The following METTL6 variants were observed in gnomAD, a reference collection of about 807,000 sequenced individuals.
METTL6 encodes methyltransferase 6, tRNA N3-cytidine.
In METTL6, 22 loss-of-function variants were observed where a neutral mutation model predicts 26.4. The ratio of observed to expected loss-of-function variants is 0.83; its 90% confidence interval spans 0.59 to 1.19. The LOEUF is 1.19. METTL6 is among the 50% of genes most tolerant of loss of function. METTL6 has a pLI of 0.00. For synonymous variants in METTL6, 109 were observed against 116.2 expected (o/e 0.94, Z 0.40); for missense variants, 304 against 324.8 (o/e 0.94, Z 0.49).
intron 6 of METTL6, among the ~76,000 whole-genome samples, chr3:15,388,187 T>C (rs1052094069): frequency 5.3e-5 from 8 of 152,162 alleles, no homozygotes; most frequent in Admixed American, 5.2e-4. Context: ...CTCCACTCAC[T>C]GCAACCTCCG....
intron 4 of METTL6, 121 bp downstream of exon 4, chr3:15,415,651 A>T (rs1348774413): frequency 6.2e-7 from 1 of 1,603,510 alleles, no homozygotes; most frequent in Non-Finnish European, 8.5e-7. Flanking sequence ...CTCACTACAC[A>T]GCCTACCTAG....
intron 6 of METTL6, among the ~76,000 whole-genome samples, chr3:15,385,039 C>A (rs1699156242): frequency 2.0e-5 from 3 of 152,176 alleles, no homozygotes. Context: ...GAGACACAAT[C>A]TTCAGAGAAT....
At chr3:15,409,016 G>A (rs2124954418), downstream of METTL6, among the ~76,000 whole-genome samples, 1 of 152,144 alleles carries the variant, frequency 6.6e-6, no homozygotes, top group South Asian at 2.1e-4. Flanking sequence ...GGACAGGGCT[G>A]GATTCTCACT....
exon 7 of METTL6, chr3:15,381,546 C>T (rs1277283007): frequency 6.6e-6 from 1 of 152,198 alleles, no homozygotes; most frequent in Non-Finnish European, 1.5e-5. Context: ...TGCATACATC[C>T]TCCTTATCTC....
At chr3:15,409,657 G>C (rs1699893618), downstream of METTL6, among the ~76,000 whole-genome samples, 1 of 152,104 alleles carries the variant, frequency 6.6e-6, no homozygotes, top group Non-Finnish European at 1.5e-5. Flanking sequence ...GCAGAGGGGA[G>C]GACAGGTGAT....
intron 6 of METTL6, among the ~76,000 whole-genome samples, chr3:15,387,073 C>T (rs112451147): frequency 1.3e-5 from 2 of 152,316 alleles, no homozygotes; most frequent in African/African-American, 4.8e-5. Context: ...GCTGGGATTA[C>T]AAGCATGAGC....
At chr3:15,411,508 G>C in intron 5 of METTL6, 71 bp from the exon 6 acceptor site, 1 of 1,422,744 alleles carries the variant, frequency 7.0e-7, no homozygotes, top group Non-Finnish European at 9.6e-7. Context: ...CCTTGAGGAG[G>C]GATAGAGGGC....
In METTL6 at chr3:15,409,826, C is replaced by T. The variant is rs888909908; in HGVS notation, c.*1430G>A. Among the ~76,000 whole-genome samples the T allele has an allele frequency of 7.9e-5, 12 of 152,112 alleles. No homozygotes were observed. The highest frequency in any genetic ancestry group is 1.3e-4 in the Non-Finnish European group (9 of 68,008). ...ACACTGGTTTTGAAGAAATACATAA[C>T]TGAACTAAAGGGGAGACCAATGGGC... On this transcript the variant is annotated 3_prime_UTR_variant, in exon 6 of 6. Transcript: ENST00000383790.
chr3:15,426,132 G>T (rs960353764), intron 2 of METTL6, among the ~76,000 whole-genome samples, 155 bp downstream of exon 2: 13 of 152,106 alleles, frequency 8.5e-5, no homozygotes, highest in African/African-American at 2.9e-4. Flanking sequence ...GTAAAGACGG[G>T]GTTTCATCAT....
chr3:15,415,475 C>T (rs1343990371), intron 4 of METTL6: 27 of 1,575,704 alleles, frequency 1.7e-5, no homozygotes, highest in Non-Finnish European at 2.1e-5. Flanking sequence ...TACTCTTGAC[C>T]ACTAAACCAT....
chr3:15,381,596 T>C (rs1385921343), exon 7 of METTL6: 1 of 152,216 alleles, frequency 6.6e-6, no homozygotes, highest in Non-Finnish European at 1.5e-5. Flanking sequence ...TTACCATCCT[T>C]GCTCTAAACT....
intron 6 of METTL6, among the ~76,000 whole-genome samples, chr3:15,391,400 T>G (rs927913179): frequency 2.6e-5 from 4 of 152,136 alleles, no homozygotes; most frequent in Non-Finnish European, 5.9e-5. Context: ...GCTTTTAGCC[T>G]TCTTTTTTTT....
chr3:15,414,412 G>A, intron 4 of METTL6: 1 of 1,080,050 alleles, frequency 9.3e-7, no homozygotes, highest in Non-Finnish European at 1.2e-6. Flanking sequence ...CTGGAGTGCA[G>A]TGGCATAATC....
chr3:15,397,967 C>T (rs1699537250), intron 6 of METTL6, among the ~76,000 whole-genome samples: 1 of 152,128 alleles, frequency 6.6e-6, no homozygotes, highest in East Asian at 1.9e-4. Flanking sequence ...GTGGCCTCAC[C>T]CAGGAGTGAT....
At chr3:15,393,897 C>G (rs1424875832) in intron 6 of METTL6, among the ~76,000 whole-genome samples, 7 of 151,780 alleles carry the variant, frequency 4.6e-5, no homozygotes, top group African/African-American at 1.7e-4. Context: ...GATTCAGTTT[C>G]CCAGTATTTT....
At chr3:15,409,561 A>G (rs1472934949), downstream of METTL6, among the ~76,000 whole-genome samples, 2 of 152,120 alleles carry the variant, frequency 1.3e-5, no homozygotes, top group African/African-American at 4.8e-5. Flanking sequence ...TGGAATGTCC[A>G]TTCTAAAGCC....
At position 15,410,170 on chromosome 3, in the gene METTL6, A is replaced by G. The variant is rs992172365; in HGVS notation, c.*1086T>C. 2.6e-5 allele frequency among the ~76,000 whole-genome samples: 4 copies of G among 152,094 alleles called. No homozygotes were observed. Among genetic ancestry groups the G allele is most frequent in the African/African-American group, 9.7e-5 (4 of 41,434 alleles). On this transcript the variant is annotated 3_prime_UTR_variant, in exon 6 of 6. Transcript: ENST00000383790. ...ACACATACACTTCCTATTTTTTAATACAAAAAGTACATAGTAGCCCCCCGT... is the reference window on the plus strand; with the variant it reads ...ACACATACACTTCCTATTTTTTAATGCAAAAAGTACATAGTAGCCCCCCGT...
chr3:15,415,731 C>T (rs1700175659), intron 4 of METTL6, 41 bp downstream of exon 4: 1 of 1,603,562 alleles, frequency 6.2e-7, no homozygotes, highest in African/African-American at 1.3e-5. Flanking sequence ...TAAAAGAATC[C>T]AGACTGTCCA....
chr3:15,421,252 T>A (rs577436823), intron 3 of METTL6, among the ~76,000 whole-genome samples: 2 of 152,216 alleles, frequency 1.3e-5, no homozygotes, highest in African/African-American at 2.4e-5. Flanking sequence ...CATATAATAA[T>A]ATAATTAGTA....
Sources: gnomAD v4.1 joint callset for allele counts (sites outside exome capture counted in the v4.1 genomes callset) on GRCh38, gnomAD v4.1.1 for gene constraint, MANE v1.5 for transcripts, NCBI Gene and HGNC (gene_info 2026-07-23, HGNC 2026-07-21) for gene names.